The following PHF24 variants were observed in gnomAD, a reference collection of about 807,000 sequenced individuals.
PHF24 encodes the protein PHD finger protein 24, also known as Galpha inhibitory interacting protein.
In PHF24, 25 loss-of-function variants were observed where a neutral mutation model predicts 42.6. The observed-to-expected ratio is 0.59, with a 90% CI of 0.43 to 0.82. The LOEUF (loss-of-function observed/expected upper bound fraction) is 0.82, where lower values mean the gene tolerates loss of function less well. Ranked by LOEUF, PHF24 falls within the 40% of genes least tolerant of loss-of-function variation. The pLI, the probability that PHF24 is intolerant of heterozygous loss-of-function variation, is 0.00. For synonymous variants in PHF24, 185 were observed against 204.8 expected (o/e 0.90, Z 0.83); for missense variants, 470 against 538.1 (o/e 0.87, Z 1.25).
At chr9:34,728,180 G>C in the PHF24 span, 1 of 1,121,618 alleles carries the variant, frequency 8.9e-7, no homozygotes, top group Non-Finnish European at 1.3e-6. Context: ...ATCAAGAAAA[G>C]ACTACAATCC....
At chr9:34,674,857 TTTG>T in the PHF24 span, among the ~76,000 whole-genome samples, 8 of 152,184 alleles carry the variant, frequency 5.3e-5, no homozygotes, top group African/African-American at 1.2e-4. Context: ...GTATGGTGTT[TTTG>T]TTGTTGTTGT....
At chr9:34,889,538 AAGG>A in the PHF24 span, 1 of 398,572 alleles carries the variant, frequency 2.5e-6, no homozygotes, top group Non-Finnish European at 4.4e-6. Context: ...CAGCCTTAGA[AAGG>A]AGAATGGATT....
chr9:34,729,436 C>A, the PHF24 span: 1 of 1,543,670 alleles, frequency 6.5e-7, no homozygotes, highest in South Asian at 1.2e-5. Flanking sequence ...ATGGTCTAAA[C>A]TTCATTAGCA....
chr9:34,717,254 G>A, the PHF24 span, among the ~76,000 whole-genome samples: 1 of 149,156 alleles, frequency 6.7e-6, no homozygotes, highest in African/African-American at 2.6e-5. Flanking sequence ...GTTTAGAGGT[G>A]TGGTCAATAA....
chr9:34,763,073 C>T, the PHF24 span, among the ~76,000 whole-genome samples: 1 of 152,098 alleles, frequency 6.6e-6, no homozygotes, highest in Non-Finnish European at 1.5e-5. Context: ...GTTTTGGTAC[C>T]AGTACCATGC....
chr9:34,864,676 A>G, the PHF24 span, among the ~76,000 whole-genome samples: 1 of 152,244 alleles, frequency 6.6e-6, no homozygotes, highest in Non-Finnish European at 1.5e-5. Context: ...AGAAAAGGAC[A>G]TTAATGAGCA....
intron 1 of PHF24, among the ~76,000 whole-genome samples, chr9:34,964,969 C>T (rs1826718566): frequency 6.6e-6 from 1 of 152,126 alleles, no homozygotes; most frequent in Non-Finnish European, 1.5e-5. Flanking sequence ...AGGCAGAAAC[C>T]CCCAGTCCCA....
At chr9:34,873,729 C>T in the PHF24 span, among the ~76,000 whole-genome samples, 1 of 149,190 alleles carries the variant, frequency 6.7e-6, no homozygotes, top group Non-Finnish European at 1.5e-5. Context: ...TAGTTTTTTC[C>T]AATTCTGTGA....
At chr9:34,709,408 G>A in the PHF24 span, 2 of 1,609,462 alleles carry the variant, frequency 1.2e-6, no homozygotes, top group African/African-American at 1.3e-5. Flanking sequence ...GGCCCTTTAG[G>A]GGTCTGTGAC....
At chr9:34,779,615 C>T in the PHF24 span, among the ~76,000 whole-genome samples, 4 of 152,188 alleles carry the variant, frequency 2.6e-5, no homozygotes, top group Admixed American at 1.3e-4. Context: ...TCAATACTTA[C>T]TACAATTCTA....
At chr9:34,677,264 T>A in the PHF24 span, among the ~76,000 whole-genome samples, 1 of 152,116 alleles carries the variant, frequency 6.6e-6, no homozygotes, top group Non-Finnish European at 1.5e-5. Context: ...TCTTCTCTAT[T>A]CCAACTGCCA....
At chr9:34,960,600 C>T (rs1227505155) in intron 1 of PHF24, among the ~76,000 whole-genome samples, 2 of 152,010 alleles carry the variant, frequency 1.3e-5, no homozygotes, top group Non-Finnish European at 2.9e-5. Flanking sequence ...ATCTTTGTTC[C>T]AGATCATTGA....
the PHF24 span, among the ~76,000 whole-genome samples, chr9:34,831,575 C>T: frequency 1.3e-5 from 2 of 152,118 alleles, no homozygotes; most frequent in Admixed American, 6.5e-5. Context: ...GCACTTGGGC[C>T]TTGGGTTTGC....
the PHF24 span, among the ~76,000 whole-genome samples, chr9:34,853,862 C>T: frequency 1.3e-5 from 2 of 151,136 alleles, no homozygotes; most frequent in Non-Finnish European, 3.0e-5. Flanking sequence ...GGCACCAGCT[C>T]TTCTTTGTAC....
the PHF24 span, among the ~76,000 whole-genome samples, chr9:34,876,505 A>G: frequency 6.6e-6 from 1 of 152,212 alleles, no homozygotes; most frequent in Non-Finnish European, 1.5e-5. Flanking sequence ...AAAAGGCCCA[A>G]TTCAAAAATG....
chr9:34,846,242 C>T, the PHF24 span, among the ~76,000 whole-genome samples: 1 of 152,172 alleles, frequency 6.6e-6, no homozygotes, highest in African/African-American at 2.4e-5. Context: ...CCTATTTCTC[C>T]ACATCCTCTC....
chr9:34,974,437 G>A (rs1253630348), intron 3 of PHF24, among the ~76,000 whole-genome samples: 1 of 152,160 alleles, frequency 6.6e-6, no homozygotes. Flanking sequence ...GGAAATGAGA[G>A]AAAATAGAAA....
chr9:34,977,134 G>A lies in PHF24; in HGVS notation c.901G>A (p.Ala301Thr), dbSNP rs536419897. Residue 301 changes from alanine to threonine, a missense_variant, in exon 6 of 8, where the codon GCC (alanine) becomes ACC (threonine). Ala to Thr is a moderately conservative substitution (Grantham distance 58). Coordinates refer to ENST00000242315, the Ensembl canonical transcript of PHF24. ...GAAGGAGCGGGAGCGAGCCCGAGCC[G>A]CCTTCCTGGCTCGGGGCAGTGGGAG... The A allele has an allele frequency of 9.3e-6, 15 of 1,613,102 alleles. No homozygotes were observed. The highest frequency in any genetic ancestry group is 6.7e-5 in the East Asian group (3 of 44,856).
At chr9:34,845,945 G>T in the PHF24 span, among the ~76,000 whole-genome samples, 2 of 151,816 alleles carry the variant, frequency 1.3e-5, no homozygotes, top group Admixed American at 1.3e-4. Flanking sequence ...TTTTTTATGG[G>T]TGCATAGTAT....
Sources: gnomAD v4.1 joint callset for allele counts (sites outside exome capture counted in the v4.1 genomes callset) on GRCh38, gnomAD v4.1.1 for gene constraint, MANE v1.5 for transcripts, NCBI Gene and HGNC (gene_info 2026-07-23, HGNC 2026-07-21) for gene names.